ARHGAP15: variants seen among roughly 807,000 people sequenced by gnomAD.
The protein encoded by ARHGAP15 is Rho GTPase activating protein 15.
In ARHGAP15, 51 loss-of-function variants were observed where a neutral mutation model predicts 63.7. That is an observed-to-expected ratio of 0.80 (90% CI 0.64 to 1.01). The LOEUF (loss-of-function observed/expected upper bound fraction) is 1.01. ARHGAP15 is among the 50% of genes least tolerant of loss of function. The probability of loss-of-function intolerance (pLI) is 0.00; values close to 1 mark genes in which losing one functional copy is unlikely to be tolerated. For missense variants in ARHGAP15, 560 were observed against 564.6 expected, an observed-to-expected ratio of 0.99 and a Z score of 0.08; for synonymous variants, 191 against 193.8, an observed-to-expected ratio of 0.99 and a Z score of 0.12.
intron 11 of ARHGAP15, among the ~76,000 whole-genome samples, chr2:143,576,330 T>C (rs559185604): frequency 6.6e-6 from 1 of 152,260 alleles, no homozygotes; most frequent in Admixed American, 6.5e-5. Context: ...AATACAGTTG[T>C]TTCTTGGTGA....
At chr2:143,444,774 T>C (rs1690056387) in intron 8 of ARHGAP15, among the ~76,000 whole-genome samples, 1 of 152,122 alleles carries the variant, frequency 6.6e-6, no homozygotes, top group Admixed American at 6.6e-5. Flanking sequence ...CTAAACAAAA[T>C]CAGATATTGC....
chr2:143,730,108 C>T (rs1012292874), intron 13 of ARHGAP15, among the ~76,000 whole-genome samples: 4 of 152,092 alleles, frequency 2.6e-5, no homozygotes, highest in Admixed American at 6.5e-5. Context: ...TAAAGACCAC[C>T]ATATATAGAA....
chr2:143,499,736 G>C (rs771941707), intron 9 of ARHGAP15, among the ~76,000 whole-genome samples: 3 of 152,116 alleles, frequency 2.0e-5, no homozygotes, highest in Admixed American at 1.3e-4. Flanking sequence ...AGAAGGGTTA[G>C]AGTGTTGTGT....
intron 9 of ARHGAP15, among the ~76,000 whole-genome samples, chr2:143,492,319 G>A (rs1398325344): frequency 6.6e-6 from 1 of 152,144 alleles, no homozygotes; most frequent in Admixed American, 6.6e-5. Flanking sequence ...TGAGCGCTAA[G>A]CCTCCATTGG....
intron 11 of ARHGAP15, chr2:143,572,246 T>C (rs1362531148): frequency 6.6e-6 from 1 of 152,308 alleles, no homozygotes; most frequent in Non-Finnish European, 1.5e-5. Context: ...CACTTCTACC[T>C]CACAAAGATC....
intron 6 of ARHGAP15, among the ~76,000 whole-genome samples, chr2:143,317,156 T>A (rs1181766413): frequency 1.3e-5 from 2 of 152,194 alleles, no homozygotes; most frequent in Non-Finnish European, 1.5e-5. Flanking sequence ...TGTCTTCACT[T>A]GGAAATATAA....
intron 8 of ARHGAP15, among the ~76,000 whole-genome samples, chr2:143,444,752 G>A (rs930418803): frequency 3.3e-5 from 5 of 152,020 alleles, no homozygotes; most frequent in Non-Finnish European, 5.9e-5. Context: ...ATTACTCATA[G>A]TATAGCCCTC....
chr2:143,316,926 T>C (rs1193059074), intron 6 of ARHGAP15, among the ~76,000 whole-genome samples: 1 of 152,170 alleles, frequency 6.6e-6, no homozygotes, highest in East Asian at 1.9e-4. Context: ...ATTGTTCCCA[T>C]TCAAAATTGA....
Position 143,153,777 on chromosome 2 carries a change from ATCT to A in ARHGAP15, c.-14-1634_-14-1632del, listed in dbSNP as rs1175995548. Among the ~76,000 whole-genome samples, 587 of 85,224 alleles carry A rather than the reference ATCT, an allele frequency of 6.9e-3. 17 individuals are homozygous for A. Among genetic ancestry groups the A allele is most frequent in the African/African-American group, 0.018 (408 of 23,170 alleles). The allele number at this position is 85,224 out of a possible 152,430, so 55.9% of individuals were successfully genotyped here. ...TTATATAAATGAAATTATATAATAA[ATCT>A]TCTTCTTCTTCTTCTTCTTCTTCTT... is the stretch of plus-strand genomic sequence containing the variant. On this transcript the variant is annotated intron_variant, in intron 1 of 13. Coordinates refer to ENST00000295095, the MANE Select transcript of ARHGAP15 (RefSeq NM_018460.4).
chr2:143,153,345 A>G (rs551685838), intron 1 of ARHGAP15, among the ~76,000 whole-genome samples: 4 of 152,102 alleles, frequency 2.6e-5, no homozygotes, highest in African/African-American at 9.6e-5. Context: ...AGAAAAATAT[A>G]TGATTTTCTT....
intron 11 of ARHGAP15, among the ~76,000 whole-genome samples, chr2:143,577,784 A>G (rs1295119767): frequency 6.6e-6 from 1 of 152,174 alleles, no homozygotes; most frequent in Admixed American, 6.6e-5. Context: ...CAAGCCCCCT[A>G]CATGGAGGTA....
chr2:143,424,855 C>T (rs1379860010), intron 6 of ARHGAP15, among the ~76,000 whole-genome samples: 1 of 152,024 alleles, frequency 6.6e-6, no homozygotes, highest in Non-Finnish European at 1.5e-5. Flanking sequence ...TTTTGTATAC[C>T]TCACAGTTCT....
chr2:143,487,295 T>C (rs1692367390), intron 8 of ARHGAP15, 78 bp from the exon 9 acceptor site: 1 of 1,501,272 alleles, frequency 6.7e-7, no homozygotes, highest in South Asian at 1.3e-5. Flanking sequence ...TAACTACTGT[T>C]TTCTATTCAG....
intron 6 of ARHGAP15, among the ~76,000 whole-genome samples, chr2:143,371,361 A>C (rs1006827170): frequency 9.2e-5 from 14 of 152,174 alleles, no homozygotes; most frequent in Admixed American, 2.6e-4. Context: ...AACAATGAAG[A>C]AAGAGTTTTA....
intron 11 of ARHGAP15, among the ~76,000 whole-genome samples, chr2:143,604,453 A>AT (rs1373969397): frequency 2.0e-5 from 3 of 152,204 alleles, no homozygotes; most frequent in Non-Finnish European, 4.4e-5. Flanking sequence ...TACAATGTTT[A>AT]TCAAGCTCCT....
chr2:143,271,116 A>G (rs1245520260), intron 6 of ARHGAP15, among the ~76,000 whole-genome samples: 1 of 152,110 alleles, frequency 6.6e-6, no homozygotes, highest in Non-Finnish European at 1.5e-5. Context: ...TGTCAGCACA[A>G]TTTTATGCAC....
At chr2:143,346,009 T>C (rs1024343591) in intron 6 of ARHGAP15, among the ~76,000 whole-genome samples, 1 of 152,090 alleles carries the variant, frequency 6.6e-6, no homozygotes, top group Admixed American at 6.6e-5. Flanking sequence ...GCATATTTTT[T>C]TGAGTCATGA....
chr2:143,537,081 T>C (rs1010435025), intron 10 of ARHGAP15, among the ~76,000 whole-genome samples: 1 of 152,208 alleles, frequency 6.6e-6, no homozygotes, highest in Non-Finnish European at 1.5e-5. Context: ...TGGTGTGAGA[T>C]GGTATCTCAT....
Position 143,768,018 on chromosome 2 carries a change from T to C in ARHGAP15, c.1274T>C (p.Met425Thr), listed in dbSNP as rs200952708. 4.3e-6 allele frequency: 7 copies of C among 1,613,668 alleles called. No individual in the cohort carries two copies. Among genetic ancestry groups the C allele is most frequent in the Non-Finnish European group, 8.5e-7 (1 of 1,179,708 alleles). The change falls in exon 14 of 14, where the codon ATG becomes ACG. Residue 425 changes from methionine to threonine, a missense_variant. Transcript: ENST00000295095. The part of the protein sequence containing the change: ...KIVAKASKNL[M>T]STQSLGIVFG... Reference sequence around the variant, plus strand: ...GTGGCCAAAGCCTCCAAGAACCTCATGTCCACGCAAAGCTTGGGGATTGTA... The same window carrying C: ...GTGGCCAAAGCCTCCAAGAACCTCACGTCCACGCAAAGCTTGGGGATTGTA...
Sources: allele counts gnomAD v4.1 joint callset (sites outside exome capture counted in the v4.1 genomes callset), GRCh38; gene constraint gnomAD v4.1.1; transcripts MANE v1.5; gene names NCBI Gene and HGNC (gene_info 2026-07-23, HGNC 2026-07-21).